CNOT9: variants seen among roughly 807,000 people sequenced by gnomAD.
The protein encoded by CNOT9 is CCR4-NOT transcription complex subunit 9.
A neutral mutation model predicts 37.4 loss-of-function variants in CNOT9; 8 were observed. The ratio of observed to expected loss-of-function variants is 0.21; its 90% CI spans 0.13 to 0.39. The LOEUF (loss-of-function observed/expected upper bound fraction) is 0.39. Ranked by LOEUF, CNOT9 falls within the 10% of genes least tolerant of loss-of-function variation. The pLI is 1.00. For synonymous variants in CNOT9, 120 were observed against 137.6 expected, an observed-to-expected ratio of 0.87 and a Z score of 0.90; for missense variants, 154 against 365.3, an observed-to-expected ratio of 0.42 and a Z score of 4.71.
chr2:218,579,282 A>G (rs992126683), intron 1 of CNOT9, among the ~76,000 whole-genome samples: 4 of 152,204 alleles, frequency 2.6e-5, no homozygotes, highest in African/African-American at 9.7e-5. Context: ...AATGTGTAAG[A>G]ATGTATATGT....
At chr2:218,588,071 C>T (rs1453168333) in intron 5 of CNOT9, among the ~76,000 whole-genome samples, 3 of 152,158 alleles carry the variant, frequency 2.0e-5, no homozygotes, top group Non-Finnish European at 4.4e-5. Flanking sequence ...GACAACATGA[C>T]AAGGTACAGA....
At chr2:218,580,979 C>G in intron 2 of CNOT9, 1 of 594,710 alleles carries the variant, frequency 1.7e-6, no homozygotes, top group South Asian at 1.5e-5. Flanking sequence ...TTAATAAGCA[C>G]TTTCACCTCC....
intron 1 of CNOT9, 90 bp from the exon 2 acceptor site, chr2:218,580,471 A>G: frequency 8.9e-7 from 1 of 1,129,274 alleles, no homozygotes; most frequent in Non-Finnish European, 1.2e-6. Flanking sequence ...GGTATTCATG[A>G]AAAATATATT....
intron 1 of CNOT9, 64 bp downstream of exon 1, chr2:218,569,042 TCTC>T (rs1693840687): frequency 4.5e-6 from 7 of 1,572,342 alleles, no homozygotes; most frequent in Non-Finnish European, 6.1e-6. Context: ...TTCGGCCTTC[TCTC>T]CTAATTCCCG....
intron 5 of CNOT9, among the ~76,000 whole-genome samples, chr2:218,590,005 T>C (rs1694720841): frequency 6.6e-6 from 1 of 152,058 alleles, no homozygotes; most frequent in South Asian, 2.1e-4. Context: ...TGGGGAAAGG[T>C]ACAAGGGAAT....
At chr2:218,583,221 GTGTGTGTGTGTGTCTCTCTCTCTCTCTC>G (rs1383080906) in intron 3 of CNOT9, 135 bp downstream of exon 3, 112 of 378,258 alleles carry the variant, frequency 3.0e-4, no homozygotes, top group South Asian at 6.7e-4. Flanking sequence ...GTGTGTGTGT[GTGTGTGTGTGTGTCTCTCTCTCTCTCTC>G]TCTCTCTCTC....
intron 3 of CNOT9, 131 bp downstream of exon 3, chr2:218,583,217 GTGTGTGTGTGTGTGTGTCTCTCTCTCTC>G (rs1694461153): frequency 1.6e-5 from 6 of 382,522 alleles, no homozygotes; most frequent in African/African-American, 2.6e-5. Context: ...GTGTGTGTGT[GTGTGTGTGTGTGTGTGTCTCTCTCTCTC>G]TCTCTCTCTC....
At chr2:218,582,898 T>C in intron 2 of CNOT9, 73 bp from the exon 3 acceptor site, 1 of 825,884 alleles carries the variant, frequency 1.2e-6, no homozygotes, top group South Asian at 1.5e-5. Flanking sequence ...CCTTTTTTTT[T>C]TTTTGCTTTA....
chr2:218,579,920 G>C (rs1025287968), intron 1 of CNOT9, among the ~76,000 whole-genome samples: 10 of 149,414 alleles, frequency 6.7e-5, no homozygotes, highest in Non-Finnish European at 1.3e-4. Flanking sequence ...CCATGCTCAA[G>C]CGATTCTAGT....
chr2:218,583,693 T>C (rs1057026029), intron 3 of CNOT9, among the ~76,000 whole-genome samples: 1 of 152,200 alleles, frequency 6.6e-6, no homozygotes, highest in South Asian at 2.1e-4. Flanking sequence ...TTCCTCTTTG[T>C]CAAGTTTCCT....
chr2:218,575,807 T>C (rs1694146388), intron 1 of CNOT9, among the ~76,000 whole-genome samples: 1 of 152,170 alleles, frequency 6.6e-6, no homozygotes, highest in Non-Finnish European at 1.5e-5. Context: ...TAATTTCCAG[T>C]AGAGAAGTCA....
In CNOT9 at chr2:218,592,574, G is replaced by T. The variant is rs1159734934; in HGVS notation, c.640-42G>T. The T allele has an allele frequency of 1.9e-6, 3 of 1,589,356 alleles. No individual in the cohort carries two copies. The highest frequency in any genetic ancestry group is 1.7e-6 in the Non-Finnish European group (2 of 1,157,388). On this transcript the variant is annotated intron_variant, in intron 6 of 7. Transcript: ENST00000273064. The surrounding 1 kb of genome is among the most constrained non-coding windows in gnomAD (Gnocchi z 4.1). ...GTCAATTAGAATTTGTTTGTGTTTT[G>T]TGTGTTTTTTCCAACCCCTCCCCTT...
chr2:218,573,022 G>GA lies in CNOT9; in HGVS notation c.24+4050dup, dbSNP rs369907587. On this transcript the variant is annotated intron_variant, in intron 1 of 7. Transcript: ENST00000273064. ...ACTTTCATTTTTTAAAAGTTATTTT[G>GA]AAAAAATACATTCTGGGCCGGGCAT... Among the ~76,000 whole-genome samples the GA allele has an allele frequency of 8.9e-3, 1,353 of 151,944 alleles. 19 individuals are homozygous for GA. The highest frequency in any genetic ancestry group is 0.031 in the African/African-American group (1,291 of 41,444).
chr2:218,569,670 C>T (rs544182577), intron 1 of CNOT9, among the ~76,000 whole-genome samples: 36 of 152,300 alleles, frequency 2.4e-4, no homozygotes, highest in African/African-American at 7.2e-4. Flanking sequence ...ATGTCTCTTG[C>T]TCCTAAAGCT....
chr2:218,572,594 G>A (rs940560178), intron 1 of CNOT9: 6 of 712,324 alleles, frequency 8.4e-6, no homozygotes, highest in Admixed American at 6.3e-5. Context: ...TCATGCTACC[G>A]CACTTCAGCT....
intron 1 of CNOT9, among the ~76,000 whole-genome samples, chr2:218,571,739 T>C (rs1302149890): frequency 0.14 from 148 of 1,034 alleles, no homozygotes; most frequent in Non-Finnish European, 0.32. Flanking sequence ...GCCTGGCTAA[T>C]TTTTTTTTTT....
chr2:218,581,879 T>C (rs1004197897), intron 2 of CNOT9, among the ~76,000 whole-genome samples: 1 of 151,842 alleles, frequency 6.6e-6, no homozygotes, highest in Non-Finnish European at 1.5e-5. Context: ...CCCAGGAGTT[T>C]GAGACCAACC....
chr2:218,568,937 G>C lies in CNOT9; in HGVS notation c.-18G>C. ...CGGACGCGTCCGGCTGTGGAAGAGAGCGGCGGCCGCTCACAACATGCACAG... is the reference window on the plus strand; with the variant it reads ...CGGACGCGTCCGGCTGTGGAAGAGACCGGCGGCCGCTCACAACATGCACAG... On this transcript the variant is annotated 5_prime_UTR_variant, in exon 1 of 8. Coordinates refer to ENST00000273064, the MANE Select transcript of CNOT9 (RefSeq NM_005444.3). The C allele has an allele frequency of 6.2e-7, 1 of 1,606,656 alleles. No individual in the cohort carries two copies. Among genetic ancestry groups the C allele is most frequent in the South Asian group, 1.1e-5 (1 of 90,302 alleles).
intron 1 of CNOT9, among the ~76,000 whole-genome samples, chr2:218,580,137 T>C (rs892401732): frequency 2.6e-5 from 4 of 152,064 alleles, no homozygotes; most frequent in African/African-American, 9.7e-5. Context: ...CCCAGCTAAA[T>C]TTTGTATTTT....
Sources: allele counts gnomAD v4.1 joint callset (sites outside exome capture counted in the v4.1 genomes callset), GRCh38; gene constraint gnomAD v4.1.1; non-coding constraint Gnocchi (gnomAD v3.1); transcripts MANE v1.5; gene names NCBI Gene and HGNC (gene_info 2026-07-23, HGNC 2026-07-21).